NRXN1: variants seen among roughly 807,000 people sequenced by gnomAD.
NRXN1 encodes the protein neurexin-1.
Under a neutral mutation model 150.9 loss-of-function variants are expected in NRXN1, and 39 were observed. That is an observed-to-expected ratio of 0.26 (90% CI 0.20 to 0.34). NRXN1 has a LOEUF of 0.34. NRXN1 is among the 10% of genes least tolerant of loss of function. The pLI is 1.00. For missense variants in NRXN1, 1,815 were observed against 1,949.9 expected (o/e 0.93, Z 1.30); for synonymous variants, 924 against 757.0 (o/e 1.22, Z -3.62).
intron 5 of NRXN1, among the ~76,000 whole-genome samples, chr2:50,800,996 T>A (rs1707512244): frequency 1.3e-5 from 2 of 152,210 alleles, no homozygotes; most frequent in Admixed American, 6.5e-5. Flanking sequence ...AACTTCAGAA[T>A]TTACTGAGAT....
chr2:50,285,223 T>G (rs60450811), intron 17 of NRXN1, among the ~76,000 whole-genome samples: 52,800 of 151,992 alleles, frequency 0.35, 10,394 homozygotes, highest in African/African-American at 0.53. Flanking sequence ...GTTGTGCATT[T>G]GAAAGATTAT....
chr2:51,000,844 A>G (rs1699947472), intron 2 of NRXN1, among the ~76,000 whole-genome samples: 1 of 152,034 alleles, frequency 6.6e-6, no homozygotes, highest in African/African-American at 2.4e-5. Context: ...ATCATTTACA[A>G]AAGATGAGAA....
chr2:50,919,713 C>T (rs1387593663), intron 5 of NRXN1: 1 of 153,862 alleles, frequency 6.5e-6, no homozygotes, highest in East Asian at 1.9e-4. Context: ...TTTAACTCCA[C>T]ATAGGAAATT....
intron 5 of NRXN1, among the ~76,000 whole-genome samples, chr2:50,880,190 A>G (rs929351024): frequency 1.3e-5 from 2 of 151,952 alleles, no homozygotes; most frequent in Non-Finnish European, 1.5e-5. Context: ...CAAGAGAAAA[A>G]AAGATCAGAA....
chr2:50,506,488 T>C lies in NRXN1; in HGVS notation c.2497+7A>G, dbSNP rs201268861. The C allele has an allele frequency of 6.2e-6, 10 of 1,611,386 alleles. No homozygotes were observed. In the African/African-American group the frequency reaches 1.3e-4, roughly 21 times the overall value. On this transcript the variant is annotated splice_region_variant and intron_variant, in intron 13 of 22. Coordinates refer to ENST00000401669, the MANE Select transcript of NRXN1 (RefSeq NM_001330078.2). Reference sequence around the variant, plus strand: ...ATAGGAAAAGACAATGGGACAGAGGTGTTTACCTGTCATGGCCTGTTGGTC... The same window carrying C: ...ATAGGAAAAGACAATGGGACAGAGGCGTTTACCTGTCATGGCCTGTTGGTC...
At position 50,531,378 on chromosome 2, in the gene NRXN1, G is replaced by A. The variant is rs549242356; in HGVS notation, c.2196C>T (p.Pro732=). The change falls in exon 11 of 23, where the codon CCC becomes CCT. Residue 732 remains proline, a synonymous_variant. Transcript: ENST00000401669. ...CCTCAGCCTCCGTATGCATGACTAC[G>A]GGGAGCTGAATTTTCATAAACATGC... The part of the protein sequence containing the change: ...DGSMFMKIQL[P]VVMHTEAEDV... 1.6e-5 allele frequency: 25 copies of A among 1,612,666 alleles called. No homozygotes were observed. The South Asian group carries it at 1.9e-4, about 12-fold the overall frequency.
At chr2:50,814,500 G>A (rs1668653516) in intron 5 of NRXN1, among the ~76,000 whole-genome samples, 1 of 152,064 alleles carries the variant, frequency 6.6e-6, no homozygotes, top group South Asian at 2.1e-4. Context: ...AAGTTGGGTA[G>A]TACCTCATGG....
intron 5 of NRXN1, among the ~76,000 whole-genome samples, chr2:50,742,765 C>T (rs1699583542): frequency 1.3e-5 from 2 of 152,136 alleles, no homozygotes; most frequent in Admixed American, 1.3e-4. Context: ...TAAATGGTAA[C>T]TGCTACTATT....
intron 2 of NRXN1, among the ~76,000 whole-genome samples, chr2:50,960,451 G>C (rs12713126): frequency 0.26 from 39,330 of 151,524 alleles, 6,650 homozygotes; most frequent in East Asian, 0.49. Flanking sequence ...ACCAAGGTCT[G>C]TTTTGACCTA....
intron 2 of NRXN1, among the ~76,000 whole-genome samples, chr2:50,942,861 T>A (rs753799966): frequency 3.9e-5 from 6 of 152,088 alleles, no homozygotes; most frequent in Non-Finnish European, 8.8e-5. Flanking sequence ...GCATGATTGG[T>A]TTTGAAATGT....
chr2:50,045,689 T>C (rs546931661), intron 21 of NRXN1, among the ~76,000 whole-genome samples: 4 of 152,204 alleles, frequency 2.6e-5, no homozygotes, highest in Non-Finnish European at 5.9e-5. Flanking sequence ...TAGGTTATAT[T>C]CTTGCTACTT....
At chr2:51,011,833 T>C (rs1667925208) in intron 2 of NRXN1, among the ~76,000 whole-genome samples, 1 of 151,956 alleles carries the variant, frequency 6.6e-6, no homozygotes, top group African/African-American at 2.4e-5. Context: ...CAAATGGCTT[T>C]GAAAGGGGAC....
At chr2:50,779,493 G>A (rs1274743082) in intron 5 of NRXN1, among the ~76,000 whole-genome samples, 3 of 152,176 alleles carry the variant, frequency 2.0e-5, no homozygotes, top group African/African-American at 7.2e-5. Flanking sequence ...GTGTGGCAGG[G>A]CGTGGTGGCT....
chr2:50,392,591 AT>A (rs1179708110), intron 17 of NRXN1, among the ~76,000 whole-genome samples: 1 of 152,200 alleles, frequency 6.6e-6, no homozygotes. Context: ...GACCAGAATA[AT>A]TTCAACTTTA....
chr2:50,714,887 A>G (rs927633246), intron 5 of NRXN1, among the ~76,000 whole-genome samples: 2 of 152,166 alleles, frequency 1.3e-5, no homozygotes, highest in Admixed American at 1.3e-4. Flanking sequence ...GTATATTTAC[A>G]GCACAGATAC....
At chr2:50,870,247 C>T (rs1377306162) in intron 5 of NRXN1, among the ~76,000 whole-genome samples, 3 of 151,798 alleles carry the variant, frequency 2.0e-5, no homozygotes, top group Non-Finnish European at 4.4e-5. Context: ...AACCAAATAA[C>T]CATAGGTTTA....
chr2:50,221,687 T>C (rs2063900398), intron 18 of NRXN1, among the ~76,000 whole-genome samples: 1 of 152,030 alleles, frequency 6.6e-6, no homozygotes, highest in African/African-American at 2.4e-5. Context: ...TAATCACATG[T>C]AGAATTTGAA....
intron 18 of NRXN1, among the ~76,000 whole-genome samples, chr2:50,181,314 CA>C (rs5831096): frequency 0.59 from 88,089 of 150,310 alleles, 26,081 homozygotes; most frequent in Middle Eastern, 0.64. Context: ...TCCTCTGAGG[CA>C]AAAAAAAAAT....
rs960054161 is a variant in NRXN1 at position 50,322,669 on chromosome 2, T to C, written c.3365-85699A>G. Among the ~76,000 whole-genome samples, 16 of 152,208 alleles carry C rather than the reference T, an allele frequency of 1.1e-4. 1 individual carries two copies. Among genetic ancestry groups the C allele is most frequent in the Non-Finnish European group, 7.3e-5 (5 of 68,030 alleles). The stretch of plus-strand genomic sequence containing the variant: ...ACCAAGATTTATTTGTAAATCAATG[T>C]TATTTTATTTTCCCATTAGTTATAT... On this transcript the variant is annotated intron_variant, in intron 17 of 22. Transcript: ENST00000401669.
Sources: allele counts gnomAD v4.1 joint callset (sites outside exome capture counted in the v4.1 genomes callset), GRCh38; gene constraint gnomAD v4.1.1; transcripts MANE v1.5; gene names NCBI Gene and HGNC (gene_info 2026-07-23, HGNC 2026-07-21).